The following MUC6 variants were observed in gnomAD, a reference collection of about 807,000 sequenced individuals.
The protein encoded by MUC6 is mucin-6.
Under a neutral mutation model 201.5 loss-of-function variants are expected in MUC6, and 188 were observed. The observed-to-expected ratio is 0.93, with a 90% CI of 0.83 to 1.05. The LOEUF is 1.05. Ranked by LOEUF, MUC6 falls within the 50% of genes least tolerant of loss-of-function variation. The probability of loss-of-function intolerance (pLI) is 0.00; values close to 1 mark genes in which losing one functional copy is unlikely to be tolerated. For synonymous variants in MUC6, 1,228 were observed against 1,389.4 expected (o/e 0.88, Z 2.58); for missense variants, 2,706 against 3,256.9 (o/e 0.83, Z 4.12).
chr11:1,023,403 CATGAATGAATGT>C, intron 26 of MUC6, 94 bp downstream of exon 26: 1 of 1,348,768 alleles, frequency 7.4e-7, no homozygotes, highest in Non-Finnish European at 1.0e-6. Context: ...AATTAATGAG[CATGAATGAATGT>C]GTGAATGAAT....
rs2133839160 is a variant in MUC6, at chr11:1,033,932, A to T, written c.53-857T>A. Among the ~76,000 whole-genome samples the T allele has an allele frequency of 6.6e-6, 1 of 152,184 alleles. No homozygotes were observed. Among genetic ancestry groups the T allele is most frequent in the South Asian group, 2.1e-4 (1 of 4,826 alleles). On this transcript the variant is annotated intron_variant, in intron 1 of 32. Coordinates refer to ENST00000421673, the MANE Select transcript of MUC6 (RefSeq NM_005961.3). This position sits in a 1 kb window ranked among gnomAD's most constrained non-coding sequence, Gnocchi z 5.6. ...CCCTCCTTGCCCCTGCCCATTGGTT[A>T]GCAGGGCACTCACAGCACCTCCTTC...
chr11:1,027,892 C>A (rs971566357), intron 15 of MUC6, 73 bp downstream of exon 15: 2 of 1,571,462 alleles, frequency 1.3e-6, no homozygotes, highest in Non-Finnish European at 1.7e-6. Flanking sequence ...AACCTATGCC[C>A]TTGGGTGCCT....
Position 1,018,155 on chromosome 11 carries a change from G to T in MUC6, c.4646C>A (p.Pro1549His), listed in dbSNP as rs749204289. ...PTSTTTITPN[P>H]TSTRTRTPVA... is the part of the protein sequence containing the mutation. ...AGGGGTTCTGGTGCGTGTACTAGTG[G>T]GGTTGGGAGTAATCGTGGTAGTAGA... Residue 1549 changes from proline to histidine, a missense_variant, in exon 31 of 33, where the codon CCC becomes CAC. Coordinates refer to ENST00000421673, the MANE Select transcript of MUC6 (RefSeq NM_005961.3). The T allele has an allele frequency of 1.2e-6, 2 of 1,613,854 alleles. No homozygotes were observed. The highest frequency in any genetic ancestry group is 1.1e-5 in the South Asian group (1 of 91,088).
chr11:1,035,686 T>C (rs1564847606), intron 1 of MUC6, among the ~76,000 whole-genome samples: 1 of 151,816 alleles, frequency 6.6e-6, no homozygotes, highest in Non-Finnish European at 1.5e-5. Flanking sequence ...GGGACACCCC[T>C]GGGGGGGTCC....
chr11:1,024,378 A>G (rs1393669838), intron 24 of MUC6, among the ~76,000 whole-genome samples: 1 of 152,202 alleles, frequency 6.6e-6, no homozygotes, highest in Non-Finnish European at 1.5e-5. Flanking sequence ...AGTCCCACCC[A>G]GGGTCTCTGC....
Position 1,029,135 on chromosome 11 carries a change from C to T in MUC6, c.1291G>A (p.Glu431Lys), listed in dbSNP as rs59763899. Residue 431 changes from glutamate (E) to lysine (K), a missense_variant, in exon 11 of 33, where the codon GAG becomes AAG. Around this residue, in one of 10 missense-constraint regions of MUC6, gnomAD observed 1,850 missense variants for 1,958.3 expected, o/e 0.94. Coordinates refer to ENST00000421673, the MANE Select transcript of MUC6 (RefSeq NM_005961.3). ...YILLQSPQLP[E>K]DGALMAVYDK... Reference sequence around the variant, plus strand: ...TACACAGCCATGAGGGCACCGTCCTCGGGAAGCTGGGGGCTCTGCGAGGGG... The same window carrying T: ...TACACAGCCATGAGGGCACCGTCCTTGGGAAGCTGGGGGCTCTGCGAGGGG... 77,322 of 1,611,848 alleles carry T rather than the reference C, an allele frequency of 0.048. 2,020 individuals are homozygous for T. The highest frequency in any genetic ancestry group is 0.058 in the South Asian group (5,237 of 90,970).
chr11:1,023,063 G>C (rs540174516), intron 26 of MUC6, among the ~76,000 whole-genome samples: 66 of 151,548 alleles, frequency 4.4e-4, no homozygotes, highest in African/African-American at 1.6e-3. Context: ...ATGTGAATGA[G>C]CGTGAATATG....
At position 1,025,426 on chromosome 11, in the gene MUC6, C is replaced by T. The variant is rs543188372; in HGVS notation, c.2800-59G>A. 4,061 of 1,558,030 alleles carry T rather than the reference C, an allele frequency of 2.6e-3. 10 individuals carry two copies. Among genetic ancestry groups the T allele is most frequent in the Non-Finnish European group, 3.0e-3 (3,406 of 1,149,116 alleles). On this transcript the variant is annotated intron_variant, in intron 22 of 32. Coordinates refer to ENST00000421673, the MANE Select transcript of MUC6 (RefSeq NM_005961.3). The stretch of plus-strand genomic sequence containing the variant: ...TGTCTCCCCCGGCCCCTGGCACAGC[C>T]GTGCTGGACCGAGCTCTCAGAGACA...
Position 1,018,453 on chromosome 11 carries a change from A to G in MUC6, c.4348T>C (p.Phe1450Leu). The G allele has an allele frequency of 6.2e-7, 1 of 1,614,084 alleles. No individual in the cohort carries two copies. The highest frequency in any genetic ancestry group is 1.1e-5 in the South Asian group (1 of 91,090). The change falls in exon 31 of 33, where the codon TTC becomes CTC. Residue 1450 changes from phenylalanine (F) to leucine (L), a missense_variant. By Grantham distance (22) the Phe-to-Leu change is conservative (BLOSUM62 0). Around this residue, in one of 10 missense-constraint regions of MUC6, gnomAD observed 128 missense variants for 206.5 expected, o/e 0.62. Coordinates refer to ENST00000421673, the MANE Select transcript of MUC6 (RefSeq NM_005961.3). ...ETTLPTHVPP[F>L]STSLVTPSTH... ...CTTGGAGTCACCAAGGAGGTGGAGAAAGGTGGAACGTGAGTGGGAAGTGTG... is the reference window on the plus strand; with the variant it reads ...CTTGGAGTCACCAAGGAGGTGGAGAGAGGTGGAACGTGAGTGGGAAGTGTG...
chr11:1,027,968 G>A lies in MUC6; in HGVS notation c.1845C>T (p.Tyr615=). 1.3e-6 allele frequency: 2 copies of A among 1,573,632 alleles called. No homozygotes were observed. The highest frequency in any genetic ancestry group is 1.7e-6 in the Non-Finnish European group (2 of 1,159,938). The change falls in exon 15 of 33, where the codon TAC becomes TAT. Residue 615 remains tyrosine, a synonymous_variant. Transcript: ENST00000421673. ...CAAGACGCCCTCGGGCCCTCACCTT[G>A]TAGAAGGGTGCAGGGTTCACTGTGG... ...CHATVNPAPF[Y]KRCVYQACNY... is the part of the protein sequence containing the mutation.
rs1037296004 is a variant in MUC6, at chr11:1,024,786, C to T, written c.3225+58G>A. On this transcript the variant is annotated intron_variant, in intron 24 of 32. Coordinates refer to ENST00000421673, the MANE Select transcript of MUC6 (RefSeq NM_005961.3). ...TGCCTGGCTTCCCCGCCCCTTCCCC[C>T]GCCCCCACCGGACATTTGTGGAGGG... 4.2e-5 allele frequency: 66 copies of T among 1,567,362 alleles called. No individual in the cohort carries two copies. The Middle Eastern group carries it at 7.3e-4, about 17-fold the overall frequency.
Position 1,028,665 on chromosome 11 carries a change from C to G in MUC6, c.1572G>C (p.Gln524His), listed in dbSNP as rs201137338. ...IFQAYVTVGP[Q>H]FRGQTRGLCG... ...ACTCACCTCTGGTCTGACCTCTGAA[C>G]TGGGGCCCAACAGTGACATAGGCCT... Residue 524 changes from glutamine (Q) to histidine (H), a missense_variant, in exon 13 of 33, where the codon CAG becomes CAC. Gln to His is a conservative substitution (Grantham distance 24). Around this residue, in one of 10 missense-constraint regions of MUC6, gnomAD observed 1,850 missense variants for 1,958.3 expected, o/e 0.94. Coordinates refer to ENST00000421673, the MANE Select transcript of MUC6 (RefSeq NM_005961.3). 1.1e-3 allele frequency: 1,818 copies of G among 1,609,636 alleles called. 16 individuals are homozygous for G. Among genetic ancestry groups the G allele is most frequent in the South Asian group, 3.1e-3 (276 of 90,298 alleles).
chr11:1,014,401 C>G (rs911167053), intron 31 of MUC6, among the ~76,000 whole-genome samples: 3 of 152,172 alleles, frequency 2.0e-5, no homozygotes, highest in Admixed American at 1.3e-4. Flanking sequence ...CCGAGGACAC[C>G]GTGCCAGTGA....
intron 6 of MUC6, 30 bp downstream of exon 6, chr11:1,030,917 G>T (rs889943160): frequency 1.3e-6 from 2 of 1,548,358 alleles, no homozygotes; most frequent in Non-Finnish European, 1.7e-6. Flanking sequence ...CAGACCTGGG[G>T]TCAGCCCCAC....
rs367909154 is a variant in MUC6, at chr11:1,025,025, G to A, written c.3044C>T (p.Thr1015Met). 21 of 1,612,880 alleles carry A rather than the reference G, an allele frequency of 1.3e-5. No individual in the cohort carries two copies. Among genetic ancestry groups the A allele is most frequent in the Middle Eastern group, 1.6e-4 (1 of 6,084 alleles). ...GCTGGATGCCACGTACCTGCTGCGC[G>A]TCTCGAAGTCGTCCTTCATGTTCCC... ...FNGNMKDDFE[T>M]RSRYVASSEL... Residue 1015 changes from threonine to methionine, a missense_variant, in exon 24 of 33, where the codon ACG becomes ATG. Transcript: ENST00000421673.
At chr11:1,023,685 T>TCCAGGC in intron 25 of MUC6, 33 bp from the exon 26 acceptor site, 1 of 1,608,956 alleles carries the variant, frequency 6.2e-7, no homozygotes, top group Non-Finnish European at 8.5e-7. Flanking sequence ...CTGGTGGGGT[T>TCCAGGC]CCTGGCCCTG....
chr11:1,019,646 G>C (rs1856764220), intron 29 of MUC6, 150 bp from the exon 30 acceptor site: 1 of 739,744 alleles, frequency 1.4e-6, no homozygotes, highest in Admixed American at 2.4e-5. Context: ...GCCTTTGTTA[G>C]GTCCTCCCAC....
Position 1,020,194 on chromosome 11 carries a change from G to T in MUC6, c.3704C>A (p.Ser1235Tyr). The T allele has an allele frequency of 6.2e-7, 1 of 1,612,138 alleles. No individual in the cohort carries two copies. Among genetic ancestry groups the T allele is most frequent in the Non-Finnish European group, 8.5e-7 (1 of 1,179,616 alleles). ...GTSTTIGLLSSTGPSPSSNHT... is the reference protein window; with the variant it reads ...GTSTTIGLLSYTGPSPSSNHT... ...ATTAGAGCTGGGTGAGGGTCCGGTG[G>T]AGCTGAGAAGCCCGATGGTGGTGGA... is the stretch of plus-strand genomic sequence containing the variant. The change falls in exon 29 of 33, where the codon TCC (serine) becomes TAC (tyrosine). Residue 1235 changes from serine to tyrosine, a missense_variant. By Grantham distance (144) the Ser-to-Tyr change is moderately radical (BLOSUM62 -2). Coordinates refer to ENST00000421673, the MANE Select transcript of MUC6 (RefSeq NM_005961.3).
In MUC6 at chr11:1,028,629, G is replaced by C. The variant is rs1459828071; in HGVS notation, c.1591+17C>G. 2 of 1,604,144 alleles carry C rather than the reference G, an allele frequency of 1.2e-6. No homozygotes were observed. Among genetic ancestry groups the C allele is most frequent in the South Asian group, 2.2e-5 (2 of 89,350 alleles). On this transcript the variant is annotated intron_variant, in intron 13 of 32. Coordinates refer to ENST00000421673, the MANE Select transcript of MUC6 (RefSeq NM_005961.3). ...AGGGATGAGGCAACAGGGCCACCTGGAGAGGCAGGGACTCACCTCTGGTCT... is the reference window on the plus strand; with the variant it reads ...AGGGATGAGGCAACAGGGCCACCTGCAGAGGCAGGGACTCACCTCTGGTCT...
Sources: allele counts gnomAD v4.1 joint callset (sites outside exome capture counted in the v4.1 genomes callset), GRCh38; gene constraint gnomAD v4.1.1; regional missense constraint gnomAD v4.1.1; non-coding constraint Gnocchi (gnomAD v3.1); transcripts MANE v1.5; gene names NCBI Gene and HGNC (gene_info 2026-07-23, HGNC 2026-07-21).